The following PLK4 variants were observed in gnomAD, a reference collection of about 807,000 sequenced individuals.
The protein encoded by PLK4 is serine/threonine-protein kinase PLK4.
A neutral mutation model predicts 103.0 loss-of-function variants in PLK4; 51 were observed. That is an observed-to-expected ratio of 0.50 (90% confidence interval 0.40 to 0.63). The LOEUF (loss-of-function observed/expected upper bound fraction) is 0.63, where lower values mean the gene tolerates loss of function less well. Ranked by LOEUF, PLK4 falls within the 20% of genes least tolerant of loss-of-function variation. The pLI, the probability that PLK4 is intolerant of heterozygous loss-of-function variation, is 0.00. For missense variants in PLK4, 1,054 were observed against 1,151.0 expected, an observed-to-expected ratio of 0.92 and a Z score of 1.22; for synonymous variants, 389 against 376.8, an observed-to-expected ratio of 1.03 and a Z score of -0.38.
rs199907384 is a variant in PLK4, at chr4:127,885,988, C to T, written c.618C>T (p.Ile206=). 9.9e-5 allele frequency: 160 copies of T among 1,614,096 alleles called. No individual in the cohort carries two copies. The highest frequency in any genetic ancestry group is 1.7e-4 in the Middle Eastern group (1 of 6,060). ...SLGCMFYTLL[I]GRPPFDTDTV... ...GCTGTATGTTTTATACATTACTTAT[C>T]GGGAGACCACCCTTCGACACTGACA... Residue 206 remains isoleucine, a synonymous_variant, in exon 5 of 16, where the codon ATC becomes ATT. Transcript: ENST00000270861.
Position 127,880,938 on chromosome 4 carries a change from T to G in PLK4, c.-197T>G. On this transcript the variant is annotated 5_prime_UTR_variant, in exon 1 of 16. An upstream start codon of the reference 5' UTR is lost. Coordinates refer to ENST00000270861, the MANE Select transcript of PLK4 (RefSeq NM_014264.5). The stretch of plus-strand genomic sequence containing the variant: ...GGCAAGCGGCGGGAGATTTTCAAAA[T>G]GGGAGCCCAGAGGCACCGCCCAGGC... The G allele has an allele frequency of 1.7e-6, 1 of 601,702 alleles. No individual in the cohort carries two copies. Among genetic ancestry groups the G allele is most frequent in the South Asian group, 2.0e-5 (1 of 50,000 alleles). The allele number at this position is 601,702 out of a possible 1,614,324, so 37.3% of individuals were successfully genotyped here.
At chr4:127,883,657 CTG>C (rs1208963483) in intron 4 of PLK4, 104 bp downstream of exon 4, 1 of 524,040 alleles carries the variant, frequency 1.9e-6, no homozygotes, top group South Asian at 3.5e-5. Flanking sequence ...TATAGTAAAA[CTG>C]TTTGAATTAT....
chr4:127,894,958 T>G lies in PLK4; in HGVS notation c.2568T>G (p.Val856=), dbSNP rs1735506232. The G allele has an allele frequency of 6.3e-7, 1 of 1,584,986 alleles. No homozygotes were observed. Among genetic ancestry groups the G allele is most frequent in the African/African-American group, 1.4e-5 (1 of 73,500 alleles). The part of the protein sequence containing the change: ...TQAPILNPSM[V]TNEGLGLTTT... ...CTGTCCTTTATTCTTTGTAGATGGT[T>G]ACAAATGAAGGACTTGGTCTTACAA... Residue 856 remains valine, a synonymous_variant, in exon 14 of 16, where the codon GTT becomes GTG. Coordinates refer to ENST00000270861, the MANE Select transcript of PLK4 (RefSeq NM_014264.5).
At chr4:127,895,807 T>C (rs186892301) in intron 14 of PLK4, among the ~76,000 whole-genome samples, 4 of 152,300 alleles carry the variant, frequency 2.6e-5, no homozygotes, top group Admixed American at 2.6e-4. Context: ...CACGTGCCTA[T>C]AGTCCCAGTT....
chr4:127,896,765 T>C, intron 14 of PLK4, 36 bp from the exon 15 acceptor site: 1 of 1,205,334 alleles, frequency 8.3e-7, no homozygotes, highest in Non-Finnish European at 1.2e-6. Flanking sequence ...TTTTTTTTTC[T>C]GTGCCTGTTC....
chr4:127,892,666 A>T, intron 10 of PLK4, 152 bp downstream of exon 10: 1 of 534,292 alleles, frequency 1.9e-6, no homozygotes. Flanking sequence ...ATACATGTCA[A>T]ATCATATTAA....
Position 127,886,200 on chromosome 4 carries a change from G to A in PLK4, c.830G>A (p.Gly277Glu), listed in dbSNP as rs747328559. ...TCTTCAACAAAAAGTAAAGATTTAG[G>A]AACTGTGGAAGACTCAATTGATAGT... ...RNSSTKSKDL[G>E]TVEDSIDSGH... The change falls in exon 5 of 16, where the codon GGA becomes GAA. Residue 277 changes from glycine (G) to glutamate (E), a missense_variant. Physicochemically the swap from Gly to Glu is moderately conservative, Grantham distance 98. Transcript: ENST00000270861. 5 of 1,614,038 alleles carry A rather than the reference G, an allele frequency of 3.1e-6. No individual in the cohort carries two copies. The South Asian group carries it at 5.5e-5, about 18-fold the overall frequency.
chr4:127,885,751 T>G lies in PLK4; in HGVS notation c.381T>G (p.Leu127=). Residue 127 remains leucine (L), a synonymous_variant, in exon 5 of 16, where the codon CTT becomes CTG. Coordinates refer to ENST00000270861, the MANE Select transcript of PLK4 (RefSeq NM_014264.5). ...AGATCATCACAGGGATGTTGTATCT[T>G]CATTCTCATGGTATACTACACCGGG... ...MHQIITGMLY[L]HSHGILHRDL... is the part of the protein sequence containing the mutation. 6.2e-7 allele frequency: 1 copy of G among 1,613,398 alleles called. No individual in the cohort carries two copies. Among genetic ancestry groups the G allele is most frequent in the Non-Finnish European group, 8.5e-7 (1 of 1,179,460 alleles).
intron 5 of PLK4, 43 bp from the exon 6 acceptor site, chr4:127,887,353 A>G: frequency 9.3e-7 from 1 of 1,076,538 alleles, no homozygotes; most frequent in Non-Finnish European, 1.4e-6. Context: ...GTTACCTGAT[A>G]ATTTTTTATT....
At chr4:127,893,970 A>G (rs1057501988) in intron 13 of PLK4, 89 bp downstream of exon 13, 3 of 747,952 alleles carry the variant, frequency 4.0e-6, no homozygotes, top group African/African-American at 1.8e-5. Context: ...TGGCTTTACT[A>G]TCATCTACGT....
intron 1 of PLK4, chr4:127,881,478 A>G (rs944882252): frequency 1.6e-5 from 17 of 1,056,872 alleles, no homozygotes; most frequent in South Asian, 5.3e-5. Context: ...CCACTTCTCC[A>G]AGGGGATGGC....
chr4:127,892,400 T>C lies in PLK4; in HGVS notation c.2074T>C (p.Phe692Leu). The C allele has an allele frequency of 6.3e-7, 1 of 1,580,052 alleles. No individual in the cohort carries two copies. Among genetic ancestry groups the C allele is most frequent in the South Asian group, 1.2e-5 (1 of 85,624 alleles). The change falls in exon 10 of 16, where the codon TTT (phenylalanine) becomes CTT (leucine). Residue 692 changes from phenylalanine (F) to leucine (L), a missense_variant. Phe to Leu is a conservative substitution (Grantham distance 22, BLOSUM62 0). Coordinates refer to ENST00000270861, the MANE Select transcript of PLK4 (RefSeq NM_014264.5). ...YWRKYQYASR[F>L]VQLVRSKSPK... Reference sequence around the variant, plus strand: ...GCGAAAATATCAATATGCTTCCAGGTTTGTACAGCTTGTAAGATCTAAATC... The same window carrying C: ...GCGAAAATATCAATATGCTTCCAGGCTTGTACAGCTTGTAAGATCTAAATC...
intron 8 of PLK4, 50 bp downstream of exon 8, chr4:127,891,246 C>A: frequency 1.1e-6 from 1 of 910,264 alleles, no homozygotes; most frequent in Non-Finnish European, 1.7e-6. Flanking sequence ...ATCGTTTAAG[C>A]ACGTTTAGCA....
intron 7 of PLK4, among the ~76,000 whole-genome samples, chr4:127,890,761 G>GT (rs1467400137): frequency 6.6e-6 from 1 of 151,922 alleles, no homozygotes; most frequent in Non-Finnish European, 1.5e-5. Flanking sequence ...TTATCCTGTT[G>GT]TTTGTTCCCA....
chr4:127,897,234 T>C (rs1735603790), intron 15 of PLK4, among the ~76,000 whole-genome samples: 1 of 152,178 alleles, frequency 6.6e-6, no homozygotes, highest in Non-Finnish European at 1.5e-5. Flanking sequence ...ACCAAACCTA[T>C]TTACTTAAAA....
Position 127,887,460 on chromosome 4 carries a change from A to C in PLK4, c.1423A>C (p.Thr475Pro), listed in dbSNP as rs1345055790. Reference sequence around the variant, plus strand: ...TGCAGACCCGACACCTCAGACTGAAACCGTACAACAGTGGTTTGGGAATCT... The same window carrying C: ...TGCAGACCCGACACCTCAGACTGAACCCGTACAACAGTGGTTTGGGAATCT... ...PFADPTPQTETVQQWFGNLQI... is the reference protein window; with the variant it reads ...PFADPTPQTEPVQQWFGNLQI... The change falls in exon 6 of 16, where the codon ACC becomes CCC. Residue 475 changes from threonine to proline, a missense_variant. Around this residue, in one of 4 missense-constraint regions of PLK4, gnomAD observed 680 missense variants for 660.3 expected, o/e 1.03. Transcript: ENST00000270861. 49 of 1,610,092 alleles carry C rather than the reference A, an allele frequency of 3.0e-5. No homozygotes were observed. Among genetic ancestry groups the C allele is most frequent in the Non-Finnish European group, 4.0e-5 (47 of 1,177,114 alleles).
chr4:127,881,274 C>A, intron 1 of PLK4, 110 bp downstream of exon 1: 2 of 1,575,524 alleles, frequency 1.3e-6, no homozygotes, highest in Non-Finnish European at 1.7e-6. Flanking sequence ...GGGCGGGCAC[C>A]GAGGTGCTTA....
At chr4:127,889,755 A>G in intron 6 of PLK4, 111 bp from the exon 7 acceptor site, 2 of 759,192 alleles carry the variant, frequency 2.6e-6, no homozygotes, top group East Asian at 5.3e-5. Context: ...TGTTTTTTGT[A>G]ACTAGAATTC....
intron 6 of PLK4, among the ~76,000 whole-genome samples, chr4:127,888,343 TCCG>T (rs1252438104): frequency 3.3e-5 from 5 of 152,100 alleles, no homozygotes; most frequent in African/African-American, 7.2e-5. Flanking sequence ...TGTTATTATC[TCCG>T]TCTTACAGAT....
Sources: gnomAD v4.1 joint callset for allele counts (sites outside exome capture counted in the v4.1 genomes callset) on GRCh38, gnomAD v4.1.1 for gene constraint, gnomAD v4.1.1 regional missense constraint, MANE v1.5 for transcripts, NCBI Gene and HGNC (gene_info 2026-07-23, HGNC 2026-07-21) for gene names.